The following NLRP11 variants were observed in gnomAD, a reference collection of about 807,000 sequenced individuals.
NLRP11 encodes the protein NLR family pyrin domain containing 11.
In NLRP11, 53 loss-of-function variants were observed where a neutral mutation model predicts 79.3. The observed-to-expected ratio is 0.67, with a 90% CI of 0.54 to 0.84. The LOEUF is 0.84. Among genes scored for constraint, NLRP11 ranks in the 40% least tolerant of loss-of-function variants. NLRP11 has a pLI of 0.00. For synonymous variants in NLRP11, 518 were observed against 462.6 expected (o/e 1.12, Z -1.54); for missense variants, 1,264 against 1,255.0 (o/e 1.01, Z -0.11).
intron 1 of NLRP11, among the ~76,000 whole-genome samples, chr19:55,830,135 A>G (rs1982606503): frequency 6.6e-6 from 1 of 152,144 alleles, no homozygotes; most frequent in Non-Finnish European, 1.5e-5. Flanking sequence ...GTTTAACACA[A>G]GTGTTTTCTT....
chr19:55,810,328 C>T (rs1980485478), exon 3 of NLRP11: 1 of 1,608,182 alleles, frequency 6.2e-7, no homozygotes, highest in Non-Finnish European at 8.5e-7. Context: ...CTTTGCATGC[C>T]TCCTGATTGC....
At position 55,829,670 on chromosome 19, in the gene NLRP11, A is replaced by AT. The variant is rs1468423421; in HGVS notation, c.-63+2292_-63+2293insA. On this transcript the variant is annotated intron_variant, in intron 1 of 9. Transcript: ENST00000589093. ...CGAGACTCCGTCTCAAAAAAAAAAA[A>AT]AAAAAAAAAAAAAAATCGTACTTTA... 4.2e-3 allele frequency among the ~76,000 whole-genome samples: 639 copies of AT among 150,954 alleles called. 10 individuals are homozygous for AT. The highest frequency in any genetic ancestry group is 0.015 in the African/African-American group (601 of 40,654).
intron 4 of NLRP11, among the ~76,000 whole-genome samples, chr19:55,805,549 T>A (rs543104014): frequency 3.9e-5 from 6 of 151,934 alleles, no homozygotes; most frequent in Admixed American, 2.6e-4. Flanking sequence ...TTTTTTTTTT[T>A]AAATACACAC....
intron 1 of NLRP11, among the ~76,000 whole-genome samples, chr19:55,830,033 A>G (rs1982596993): frequency 6.6e-6 from 1 of 152,182 alleles, no homozygotes; most frequent in Non-Finnish European, 1.5e-5. Flanking sequence ...CATCTCCCCC[A>G]AAATTCTCCA....
chr19:55,822,052 A>C (rs1981795207), intron 1 of NLRP11, among the ~76,000 whole-genome samples: 1 of 152,214 alleles, frequency 6.6e-6, no homozygotes, highest in Non-Finnish European at 1.5e-5. Flanking sequence ...TGAGGTCAGG[A>C]GTCCGAGACT....
chr19:55,804,788 G>A (rs904982205), intron 4 of NLRP11, among the ~76,000 whole-genome samples: 5 of 150,084 alleles, frequency 3.3e-5, no homozygotes, highest in Non-Finnish European at 7.4e-5. Flanking sequence ...TTCACGGCTG[G>A]GTGCGGTGGC....
chr19:55,813,220 C>T (rs1284490880), intron 2 of NLRP11, among the ~76,000 whole-genome samples: 2 of 152,142 alleles, frequency 1.3e-5, no homozygotes, highest in Middle Eastern at 3.4e-3. Context: ...CCCAGCTACT[C>T]GGGAGGCTGA....
In NLRP11 at chr19:55,801,747, A is replaced by C; in HGVS notation, c.2004-8T>G. 3 of 1,613,558 alleles carry C rather than the reference A, an allele frequency of 1.9e-6. No homozygotes were observed. In the South Asian group the frequency reaches 3.3e-5, roughly 18 times the overall value. On this transcript the variant is annotated splice_polypyrimidine_tract_variant and splice_region_variant and intron_variant, in intron 4 of 9. Coordinates refer to ENST00000589093, the Ensembl canonical transcript of NLRP11. ...GTCGAGACATAGGACAACCTGTGGAAGACATAATAGCAGGAAAGCACTAGT... is the reference window on the plus strand; with the variant it reads ...GTCGAGACATAGGACAACCTGTGGACGACATAATAGCAGGAAAGCACTAGT...
At chr19:55,836,377 C>G (rs1983285927), upstream of NLRP11, 1 of 152,144 alleles carries the variant, frequency 6.6e-6, no homozygotes, top group Non-Finnish European at 1.5e-5. Flanking sequence ...ACACCAGGAG[C>G]AAAGGTCTAG....
chr19:55,829,853 C>T (rs762430303), intron 1 of NLRP11, among the ~76,000 whole-genome samples: 11 of 152,076 alleles, frequency 7.2e-5, no homozygotes, highest in South Asian at 2.1e-4. Flanking sequence ...CAAAAACCCA[C>T]GTATAACTTT....
intron 4 of NLRP11, among the ~76,000 whole-genome samples, chr19:55,804,925 T>C (rs1446421370): frequency 6.6e-6 from 1 of 152,042 alleles, no homozygotes; most frequent in African/African-American, 2.4e-5. Context: ...TAGCCAGGCG[T>C]GGTGGCGTGC....
chr19:55,789,399 A>G, exon 8 of NLRP11: 1 of 1,609,616 alleles, frequency 6.2e-7, no homozygotes, highest in South Asian at 1.1e-5. Context: ...AGCCAGACAG[A>G]CTGCAAAACA....
intron 1 of NLRP11, among the ~76,000 whole-genome samples, chr19:55,821,310 A>C (rs1981709035): frequency 6.6e-6 from 1 of 150,826 alleles, no homozygotes; most frequent in Admixed American, 6.6e-5. Context: ...TGTGTTTTTT[A>C]TCACTTGCTG....
intron 5 of NLRP11, among the ~76,000 whole-genome samples, chr19:55,799,131 G>A (rs1421741121): frequency 1.3e-5 from 2 of 152,078 alleles, no homozygotes; most frequent in African/African-American, 4.8e-5. Flanking sequence ...GCTGGGTGTG[G>A]TGGTGTACCC....
chr19:55,801,464 G>T, intron 5 of NLRP11, 108 bp downstream of exon 5: 1 of 781,626 alleles, frequency 1.3e-6, no homozygotes, highest in Non-Finnish European at 2.1e-6. Context: ...AGGAATGAGT[G>T]ACATCAAAAG....
intron 5 of NLRP11, among the ~76,000 whole-genome samples, chr19:55,797,349 G>C (rs540371628): frequency 1.3e-5 from 2 of 152,130 alleles, no homozygotes; most frequent in Non-Finnish European, 2.9e-5. Flanking sequence ...TCTTTCCCCA[G>C]ATAGCTGCAT....
At chr19:55,817,992 C>A (rs1981312693) in exon 2 of NLRP11, 1 of 1,613,332 alleles carries the variant, frequency 6.2e-7, no homozygotes, top group Non-Finnish European at 8.5e-7. Context: ...TATACTGTCC[C>A]TCATAAGAGA....
intron 9 of NLRP11, among the ~76,000 whole-genome samples, chr19:55,786,074 T>C (rs1350865175): frequency 1.3e-5 from 2 of 152,224 alleles, no homozygotes; most frequent in Non-Finnish European, 2.9e-5. Flanking sequence ...TAAGACAAGA[T>C]TTCCACTGGG....
At position 55,797,993 on chromosome 19, in the gene NLRP11, A is replaced by ATT. The variant is rs200637929; in HGVS notation, c.2172-1745_2172-1744dup. On this transcript the variant is annotated intron_variant, in intron 5 of 9. Coordinates refer to ENST00000589093, the Ensembl canonical transcript of NLRP11. Reference sequence around the variant, plus strand: ...AGCGTGAAATGGTGTATTCTATATTATTATTATTTTTTTTTTTTTTGAGAT... The same window carrying ATT: ...AGCGTGAAATGGTGTATTCTATATTATTTTATTATTTTTTTTTTTTTTGAGAT... 5.6e-3 allele frequency among the ~76,000 whole-genome samples: 772 copies of ATT among 136,970 alleles called. 23 individuals are homozygous for ATT. Among genetic ancestry groups the ATT allele is most frequent in the African/African-American group, 0.019 (701 of 36,644 alleles). 89.9% of individuals were successfully genotyped at this position (136,970 alleles called of 152,430 possible).
Sources: allele counts gnomAD v4.1 joint callset (sites outside exome capture counted in the v4.1 genomes callset), GRCh38; gene constraint gnomAD v4.1.1; transcripts MANE v1.5; gene names NCBI Gene and HGNC (gene_info 2026-07-23, HGNC 2026-07-21).